The following CEP63 variants were observed in gnomAD, a reference collection of about 807,000 sequenced individuals.
CEP63 encodes the protein centrosomal protein of 63 kDa.
CEP63 carries 84 observed loss-of-function variants against 89.1 expected under a neutral mutation model. The observed-to-expected ratio is 0.94, with a 90% CI of 0.79 to 1.13. The LOEUF is 1.13. Ranked by LOEUF, CEP63 falls within the 50% of genes most tolerant of loss-of-function variation. CEP63 has a pLI of 0.00. For synonymous variants in CEP63, 267 were observed against 272.5 expected, an observed-to-expected ratio of 0.98 and a Z score of 0.20; for missense variants, 838 against 813.3, an observed-to-expected ratio of 1.03 and a Z score of -0.37.
chr3:134,599,624 A>G, the CEP63 span, among the ~76,000 whole-genome samples: 1 of 152,236 alleles, frequency 6.6e-6, no homozygotes, highest in Non-Finnish European at 1.5e-5. Context: ...CACTGTAAAA[A>G]TAAATTAGGA....
At chr3:134,702,207 A>G in the CEP63 span, among the ~76,000 whole-genome samples, 2 of 152,190 alleles carry the variant, frequency 1.3e-5, no homozygotes, top group Non-Finnish European at 2.9e-5. Context: ...GCTCAAAAAA[A>G]TCAGAGATGA....
At chr3:134,744,219 T>C in the CEP63 span, among the ~76,000 whole-genome samples, 1 of 152,230 alleles carries the variant, frequency 6.6e-6, no homozygotes, top group African/African-American at 2.4e-5. Context: ...AAAAGGATAT[T>C]AGGGCCCCTA....
At chr3:134,708,758 G>C in the CEP63 span, among the ~76,000 whole-genome samples, 4 of 152,292 alleles carry the variant, frequency 2.6e-5, no homozygotes, top group African/African-American at 7.2e-5. Flanking sequence ...GTTTAAGAGT[G>C]CTGGACCTTG....
At chr3:134,523,528 A>C (rs1472955154) in intron 3 of CEP63, among the ~76,000 whole-genome samples, 3 of 152,128 alleles carry the variant, frequency 2.0e-5, no homozygotes, top group Admixed American at 6.6e-5. Flanking sequence ...TTTGGGCTTT[A>C]CACTTAAGTC....
At chr3:134,618,642 C>T in the CEP63 span, among the ~76,000 whole-genome samples, 1 of 152,048 alleles carries the variant, frequency 6.6e-6, no homozygotes, top group East Asian at 1.9e-4. Context: ...GCCATATGCC[C>T]ACTCCCAGAG....
In CEP63 at chr3:134,561,668, A is replaced by G; in HGVS notation, c.*133A>G. ...ATACATCTAAAGCAGTGGTGAAGAA[A>G]GCTGAAAAACTGATACTTTTGATAG... On this transcript the variant is annotated 3_prime_UTR_variant, in exon 15 of 15. Coordinates refer to ENST00000675561, the MANE Select transcript of CEP63 (RefSeq NM_001353108.3). 1 of 1,482,682 alleles carries G rather than the reference A, an allele frequency of 6.7e-7. No individual in the cohort carries two copies. 91.8% of individuals were successfully genotyped at this position (1,482,682 alleles called of 1,614,324 possible). A position where few individuals can be genotyped will look rare whatever the true frequency, so the allele number is the denominator to read the frequency against.
chr3:134,759,351 T>A, the CEP63 span, among the ~76,000 whole-genome samples: 14 of 152,344 alleles, frequency 9.2e-5, no homozygotes, highest in African/African-American at 3.4e-4. Flanking sequence ...CATTTCTGCA[T>A]AAACTGGTCC....
chr3:134,627,559 A>T, the CEP63 span, among the ~76,000 whole-genome samples: 3 of 152,204 alleles, frequency 2.0e-5, no homozygotes, highest in South Asian at 4.1e-4. Flanking sequence ...CATCTGGTGC[A>T]TGAGCTTTTT....
downstream of CEP63, among the ~76,000 whole-genome samples, chr3:134,579,730 A>G (rs976674173): frequency 1.2e-4 from 18 of 152,222 alleles, no homozygotes; most frequent in African/African-American, 4.3e-4. Context: ...CCACATTTGT[A>G]TGTTGATATA....
upstream of CEP63, chr3:134,485,860 C>T: frequency 2.3e-6 from 1 of 435,648 alleles, no homozygotes; most frequent in Non-Finnish European, 3.1e-6. Context: ...GTGACAGCCT[C>T]GGCCGATGGG....
the CEP63 span, among the ~76,000 whole-genome samples, chr3:134,742,183 T>A: frequency 2.0e-5 from 3 of 152,210 alleles, no homozygotes; most frequent in East Asian, 5.8e-4. Context: ...CCTCTCTCTC[T>A]GATCAGCTAC....
chr3:134,719,043 C>T, the CEP63 span, among the ~76,000 whole-genome samples: 1 of 152,204 alleles, frequency 6.6e-6, no homozygotes, highest in African/African-American at 2.4e-5. Flanking sequence ...TGAATCCAGG[C>T]TTTCTTCATT....
chr3:134,532,922 G>A, intron 5 of CEP63, 22 bp downstream of exon 5: 1 of 1,612,314 alleles, frequency 6.2e-7, no homozygotes, highest in South Asian at 1.1e-5. Flanking sequence ...GTAATAATTT[G>A]TTCATAGTGA....
At chr3:134,566,385 G>C (rs1282562593), downstream of CEP63, among the ~76,000 whole-genome samples, 5 of 152,104 alleles carry the variant, frequency 3.3e-5, no homozygotes, top group African/African-American at 1.2e-4. Context: ...TTTCTGGGGA[G>C]AAGGTTCATA....
At chr3:134,631,075 G>A in the CEP63 span, among the ~76,000 whole-genome samples, 20 of 152,282 alleles carry the variant, frequency 1.3e-4, no homozygotes, top group South Asian at 4.1e-4. Flanking sequence ...TAAGTAGTGC[G>A]TCAGAGATCT....
the CEP63 span, among the ~76,000 whole-genome samples, chr3:134,736,880 G>C: frequency 2.0e-5 from 3 of 152,062 alleles, no homozygotes. Context: ...AAGAATAAGG[G>C]GTGGCAACTA....
the CEP63 span, among the ~76,000 whole-genome samples, chr3:134,646,371 A>G: frequency 6.6e-6 from 1 of 152,098 alleles, no homozygotes; most frequent in Admixed American, 6.5e-5. Flanking sequence ...TACCAAAGGC[A>G]GGGGACACAG....
chr3:134,575,339 G>A (rs1958183947), downstream of CEP63, among the ~76,000 whole-genome samples: 1 of 99,538 alleles, frequency 1.0e-5, no homozygotes, highest in Non-Finnish European at 2.0e-5. Flanking sequence ...TGGAGACAGG[G>A]TCTCACTCTA....
At chr3:134,650,866 T>G in the CEP63 span, 1 of 1,611,752 alleles carries the variant, frequency 6.2e-7, no homozygotes, top group Non-Finnish European at 8.5e-7. Context: ...CGCCTGCTGG[T>G]CTGAGAGCGT....
Sources: gnomAD v4.1 joint callset for allele counts (sites outside exome capture counted in the v4.1 genomes callset) on GRCh38, gnomAD v4.1.1 for gene constraint, MANE v1.5 for transcripts, NCBI Gene and HGNC (gene_info 2026-07-23, HGNC 2026-07-21) for gene names.